Variants in BACH2 observed in about 807,000 individuals in gnomAD.
BACH2 encodes the protein BACH transcriptional regulator 2.
A neutral mutation model predicts 61.8 loss-of-function variants in BACH2; 5 were observed. The observed-to-expected ratio is 0.08, with a 90% CI of 0.04 to 0.17. The LOEUF (loss-of-function observed/expected upper bound fraction) is 0.17, where lower values mean the gene tolerates loss of function less well. Ranked by LOEUF, BACH2 falls within the 10% of genes least tolerant of loss-of-function variation. The probability of loss-of-function intolerance (pLI) is 1.00; values close to 1 mark genes in which losing one functional copy is unlikely to be tolerated. For synonymous variants in BACH2, 446 were observed against 440.1 expected (o/e 1.01, Z -0.17); for missense variants, 824 against 1,091.1 (o/e 0.76, Z 3.45).
chr6:90,242,383 T>C (rs959954188), intron 3 of BACH2, among the ~76,000 whole-genome samples: 2 of 152,246 alleles, frequency 1.3e-5, no homozygotes, highest in Admixed American at 1.3e-4. Context: ...GCAATATGCA[T>C]TTAAGGTTCC....
chr6:90,120,840 A>C (rs1159702008), intron 4 of BACH2, among the ~76,000 whole-genome samples: 1 of 152,204 alleles, frequency 6.6e-6, no homozygotes, highest in East Asian at 1.9e-4. Flanking sequence ...CTCTGCATAA[A>C]CTGTTAATGT....
rs139366624 is a variant in BACH2, at chr6:90,009,355, A to G, written c.-12-499T>C. On this transcript the variant is annotated intron_variant, in intron 5 of 8. Coordinates refer to ENST00000257749, the MANE Select transcript of BACH2 (RefSeq NM_021813.4). Reference sequence around the variant, plus strand: ...GAAATTTGGCTGAGATGCCAAGTAGAGTAAACATCAAATCACAATACATAT... The same window carrying G: ...GAAATTTGGCTGAGATGCCAAGTAGGGTAAACATCAAATCACAATACATAT... 1.2e-4 allele frequency among the ~76,000 whole-genome samples: 19 copies of G among 152,368 alleles called. No individual in the cohort carries two copies. The East Asian group carries it at 3.5e-3, about 28-fold the overall frequency.
chr6:90,038,342 C>G (rs533506089), intron 5 of BACH2, among the ~76,000 whole-genome samples: 1 of 152,300 alleles, frequency 6.6e-6, no homozygotes, highest in South Asian at 2.1e-4. Context: ...TTTCCACCAA[C>G]AGAACTGCTA....
chr6:90,200,141 C>T (rs1300090999), intron 4 of BACH2, among the ~76,000 whole-genome samples: 3 of 152,226 alleles, frequency 2.0e-5, no homozygotes, highest in African/African-American at 7.2e-5. Flanking sequence ...CTTTAAACAC[C>T]GTTGTGTATA....
At chr6:90,246,302 C>G (rs1770635845) in intron 3 of BACH2, among the ~76,000 whole-genome samples, 1 of 152,174 alleles carries the variant, frequency 6.6e-6, no homozygotes, top group East Asian at 1.9e-4. Context: ...ATGGAGACAT[C>G]AACTTCTGAA....
intron 4 of BACH2, among the ~76,000 whole-genome samples, chr6:90,149,548 T>C (rs2208039): frequency 0.051 from 7,750 of 152,274 alleles, 348 homozygotes; most frequent in African/African-American, 0.12. Context: ...ACATCTCAGT[T>C]GGTGAGTCAA....
At chr6:90,144,170 C>T (rs1255310090) in intron 4 of BACH2, among the ~76,000 whole-genome samples, 1 of 152,134 alleles carries the variant, frequency 6.6e-6, no homozygotes, top group Non-Finnish European at 1.5e-5. Context: ...GATATTTTTT[C>T]CTTTATTTAA....
chr6:90,129,851 CAAG>C (rs958019084), intron 4 of BACH2, among the ~76,000 whole-genome samples: 30 of 150,544 alleles, frequency 2.0e-4, no homozygotes, highest in African/African-American at 6.9e-4. Context: ...CTTATCAGTT[CAAG>C]AAGTTTTTTT....
At chr6:90,030,116 G>A (rs139535817) in intron 5 of BACH2, among the ~76,000 whole-genome samples, 309 of 152,296 alleles carry the variant, frequency 2.0e-3, no homozygotes, top group Middle Eastern at 0.017. Flanking sequence ...TTCTCTCCTG[G>A]TAAAAGCTTG....
chr6:89,945,980 A>G (rs1773699128), intron 7 of BACH2, among the ~76,000 whole-genome samples: 1 of 152,198 alleles, frequency 6.6e-6, no homozygotes, highest in South Asian at 2.1e-4. Flanking sequence ...CTTCTTAAGG[A>G]ATATAGCAAA....
chr6:90,195,925 T>C lies in BACH2; in HGVS notation c.-162+10644A>G, dbSNP rs146053834. ...AAAGAGATGTAGAAAGTAATCATAATAGAAAGCATTTGCTGAGTGTCTGTT... is the reference window on the plus strand; with the variant it reads ...AAAGAGATGTAGAAAGTAATCATAACAGAAAGCATTTGCTGAGTGTCTGTT... On this transcript the variant is annotated intron_variant, in intron 4 of 8. Coordinates refer to ENST00000257749, the MANE Select transcript of BACH2 (RefSeq NM_021813.4). 3.2e-3 allele frequency among the ~76,000 whole-genome samples: 486 copies of C among 152,320 alleles called. 2 individuals carry two copies. Among genetic ancestry groups the C allele is most frequent in the African/African-American group, 0.011 (463 of 41,564 alleles).
At chr6:89,936,553 C>A (rs1389846516) in intron 8 of BACH2, among the ~76,000 whole-genome samples, 1 of 152,090 alleles carries the variant, frequency 6.6e-6, no homozygotes, top group Non-Finnish European at 1.5e-5. Flanking sequence ...GGGATCAAGT[C>A]CTAGGAAGGG....
At chr6:90,030,330 G>T (rs1479960303) in intron 5 of BACH2, among the ~76,000 whole-genome samples, 5 of 152,102 alleles carry the variant, frequency 3.3e-5, no homozygotes, top group Admixed American at 3.3e-4. Flanking sequence ...TGCTGCCCTG[G>T]GAGTAGACGT....
At chr6:90,161,829 TA>T (rs2127833473) in intron 4 of BACH2, among the ~76,000 whole-genome samples, 1 of 152,250 alleles carries the variant, frequency 6.6e-6, no homozygotes, top group East Asian at 1.9e-4. Flanking sequence ...CTGGAACCAT[TA>T]GAAGGCACCA....
chr6:90,295,657 GTGT>G (rs1772327495), intron 1 of BACH2, among the ~76,000 whole-genome samples: 2 of 114,720 alleles, frequency 1.7e-5, no homozygotes, highest in South Asian at 3.3e-4. Context: ...AGTGTAGGGT[GTGT>G]GTGTGTGTGT....
At chr6:90,070,724 C>G (rs1781187746) in intron 5 of BACH2, among the ~76,000 whole-genome samples, 1 of 152,202 alleles carries the variant, frequency 6.6e-6, no homozygotes, top group Non-Finnish European at 1.5e-5. Flanking sequence ...CTAGCTGTAT[C>G]TGGAAGAAAA....
intron 4 of BACH2, among the ~76,000 whole-genome samples, chr6:90,139,867 T>C (rs1022651816): frequency 6.6e-6 from 1 of 152,178 alleles, no homozygotes; most frequent in Admixed American, 6.5e-5. Context: ...AAGATCATTG[T>C]TTCAGACGGT....
intron 5 of BACH2, among the ~76,000 whole-genome samples, chr6:90,036,970 G>C (rs940921311): frequency 6.6e-6 from 1 of 152,120 alleles, no homozygotes; most frequent in Non-Finnish European, 1.5e-5. Context: ...GTAGCTAAGT[G>C]TTCTGTTTTT....
At chr6:90,259,318 T>C (rs2127874495) in intron 2 of BACH2, among the ~76,000 whole-genome samples, 1 of 152,376 alleles carries the variant, frequency 6.6e-6, no homozygotes, top group South Asian at 2.1e-4. Context: ...TCTGTGTCAA[T>C]TAAGATTATC....
Sources: gnomAD v4.1 joint callset for allele counts (sites outside exome capture counted in the v4.1 genomes callset) on GRCh38, gnomAD v4.1.1 for gene constraint, MANE v1.5 for transcripts, NCBI Gene and HGNC (gene_info 2026-07-23, HGNC 2026-07-21) for gene names.